GRIN3A: variants seen among roughly 807,000 people sequenced by gnomAD.
GRIN3A encodes glutamate receptor ionotropic, NMDA 3A.
Under a neutral mutation model 92.4 loss-of-function variants are expected in GRIN3A, and 47 were observed. That is an observed-to-expected ratio of 0.51 (90% CI 0.40 to 0.65). GRIN3A has a LOEUF of 0.65. GRIN3A is among the 30% of genes least tolerant of loss of function. GRIN3A has a pLI of 0.00. For missense variants in GRIN3A, 1,324 were observed against 1,393.1 expected (o/e 0.95, Z 0.79); for synonymous variants, 527 against 540.6 (o/e 0.97, Z 0.35).
intron 5 of GRIN3A, among the ~76,000 whole-genome samples, chr9:101,615,752 G>A (rs1828441683): frequency 6.6e-6 from 1 of 152,146 alleles, no homozygotes; most frequent in Non-Finnish European, 1.5e-5. Context: ...GTAGAGCCCA[G>A]TATGTCCTAG....
At chr9:101,728,719 C>G (rs1355238451) in intron 1 of GRIN3A, among the ~76,000 whole-genome samples, 1 of 152,146 alleles carries the variant, frequency 6.6e-6, no homozygotes, top group South Asian at 2.1e-4. Context: ...TTAAATGCGA[C>G]TCAGGGTTAA....
At chr9:101,626,736 C>T (rs528896093) in intron 4 of GRIN3A, among the ~76,000 whole-genome samples, 10 of 152,220 alleles carry the variant, frequency 6.6e-5, no homozygotes, top group Non-Finnish European at 1.3e-4. Context: ...GACTATTCTG[C>T]AAACATCAAG....
At chr9:101,649,429 G>A (rs1181315705) in intron 3 of GRIN3A, among the ~76,000 whole-genome samples, 3 of 151,982 alleles carry the variant, frequency 2.0e-5, no homozygotes, top group Admixed American at 6.6e-5. Context: ...AGCCATATTA[G>A]CATCCCCAGT....
chr9:101,615,302 C>T (rs1828429301), intron 5 of GRIN3A, among the ~76,000 whole-genome samples: 1 of 149,628 alleles, frequency 6.7e-6, no homozygotes, highest in Admixed American at 6.6e-5. Flanking sequence ...GATTGTCAAG[C>T]ATCCAAAGAT....
intron 3 of GRIN3A, among the ~76,000 whole-genome samples, chr9:101,632,521 A>C (rs1427346162): frequency 6.6e-6 from 1 of 152,180 alleles, no homozygotes; most frequent in Non-Finnish European, 1.5e-5. Context: ...GAATGAATGA[A>C]ATTCTCTTAG....
At chr9:101,593,198 T>A (rs1209498410) in intron 6 of GRIN3A, 1 of 152,318 alleles carries the variant, frequency 6.6e-6, no homozygotes, top group South Asian at 2.1e-4. Context: ...GCTACCAACA[T>A]GACATAAATG....
chr9:101,619,864 TC>T (rs2118863363), intron 5 of GRIN3A, among the ~76,000 whole-genome samples: 1 of 152,342 alleles, frequency 6.6e-6, no homozygotes, highest in African/African-American at 2.4e-5. Flanking sequence ...CTTTTTTTTC[TC>T]CCCTGCACAC....
intron 3 of GRIN3A, among the ~76,000 whole-genome samples, chr9:101,633,483 C>T (rs1000174428): frequency 2.0e-5 from 3 of 152,094 alleles, no homozygotes; most frequent in African/African-American, 4.8e-5. Flanking sequence ...CATCAGTGGA[C>T]GATTAGCAGG....
chr9:101,674,181 G>A (rs1203568659), intron 2 of GRIN3A, among the ~76,000 whole-genome samples: 2 of 152,060 alleles, frequency 1.3e-5, no homozygotes, highest in African/African-American at 4.8e-5. Flanking sequence ...TCAGATCTGA[G>A]GCTACAGTGA....
chr9:101,601,909 T>G (rs1245337220), intron 6 of GRIN3A, among the ~76,000 whole-genome samples: 1 of 152,118 alleles, frequency 6.6e-6, no homozygotes, highest in Admixed American at 6.6e-5. Context: ...CATTCTGAGG[T>G]ATTGAGAATT....
intron 1 of GRIN3A, among the ~76,000 whole-genome samples, chr9:101,718,869 A>G (rs1464808848): frequency 6.6e-6 from 1 of 152,188 alleles, no homozygotes; most frequent in South Asian, 2.1e-4. Flanking sequence ...ATTTATTTTT[A>G]TAGTTAATTT....
At chr9:101,735,404 C>A (rs564574620) in intron 1 of GRIN3A, among the ~76,000 whole-genome samples, 2 of 151,638 alleles carry the variant, frequency 1.3e-5, no homozygotes, top group Admixed American at 6.6e-5. Context: ...ATCCACCCCC[C>A]ACCCCGGTCT....
chr9:101,613,542 A>C lies in GRIN3A; in HGVS notation c.2615-15T>G, dbSNP rs369739860. On this transcript the variant is annotated splice_polypyrimidine_tract_variant and intron_variant, in intron 5 of 8. Coordinates refer to ENST00000361820, the MANE Select transcript of GRIN3A (RefSeq NM_133445.3). ...AATGCCGTATCCTAGAAGAAAATAC[A>C]ATCTCAGATGAGTTTTTTACACCCT... The C allele has an allele frequency of 5.0e-6, 8 of 1,613,792 alleles. No homozygotes were observed. Among genetic ancestry groups the C allele is most frequent in the Non-Finnish European group, 6.8e-6 (8 of 1,179,776 alleles).
chr9:101,729,037 C>T (rs1830109368), intron 1 of GRIN3A, among the ~76,000 whole-genome samples: 2 of 152,152 alleles, frequency 1.3e-5, no homozygotes. Flanking sequence ...CCCTTTCTAA[C>T]AAGAATCCCC....
At chr9:101,709,821 C>A (rs1829857670) in intron 1 of GRIN3A, among the ~76,000 whole-genome samples, 1 of 152,032 alleles carries the variant, frequency 6.6e-6, no homozygotes, top group Non-Finnish European at 1.5e-5. Flanking sequence ...CCCAAGGCCC[C>A]AAGGAAGTGA....
chr9:101,710,628 C>T (rs890512264), intron 1 of GRIN3A, among the ~76,000 whole-genome samples: 13 of 152,188 alleles, frequency 8.5e-5, no homozygotes, highest in African/African-American at 3.1e-4. Context: ...TCAGTTTACT[C>T]AAGTTGCTTT....
intron 7 of GRIN3A, among the ~76,000 whole-genome samples, chr9:101,578,212 G>T (rs148058400): frequency 6.6e-6 from 1 of 152,126 alleles, no homozygotes; most frequent in Non-Finnish European, 1.5e-5. Flanking sequence ...AAGAAGGGAA[G>T]GAGGACTCTT....
chr9:101,670,401 A>C lies in GRIN3A; in HGVS notation c.2011T>G (p.Trp671Gly), dbSNP rs755679939. 13 of 1,614,028 alleles carry C rather than the reference A, an allele frequency of 8.1e-6. No homozygotes were observed. Among genetic ancestry groups the C allele is most frequent in the Non-Finnish European group, 1.1e-5 (13 of 1,179,944 alleles). Residue 671 changes from tryptophan (W) to glycine (G), a missense_variant, in exon 3 of 9, where the codon TGG becomes GGG. By Grantham distance (184) the Trp-to-Gly change is radical. Transcript: ENST00000361820. ...AGCCACATTGTCCAGTGGAGTGGCC[A>C]CATGAAGGCTCCAATGGGAGCTGCT... ...DTAAPIGAFM[W>G]PLHWTMWLGI...
At chr9:101,695,765 A>G (rs1829677170) in intron 1 of GRIN3A, among the ~76,000 whole-genome samples, 1 of 152,148 alleles carries the variant, frequency 6.6e-6, no homozygotes, top group South Asian at 2.1e-4. Flanking sequence ...TAGTATTCTG[A>G]TGTCAACACC....
Sources: allele counts gnomAD v4.1 joint callset (sites outside exome capture counted in the v4.1 genomes callset), GRCh38; gene constraint gnomAD v4.1.1; transcripts MANE v1.5; gene names NCBI Gene and HGNC (gene_info 2026-07-23, HGNC 2026-07-21).